Variants in ARHGAP24 observed in about 807,000 individuals in gnomAD.
ARHGAP24 encodes rho GTPase-activating protein 24.
ARHGAP24 carries 50 observed loss-of-function variants against 76.4 expected under a neutral mutation model. The ratio of observed to expected loss-of-function variants is 0.65; its 90% CI spans 0.52 to 0.83. ARHGAP24 has a LOEUF of 0.83. Among genes scored for constraint, ARHGAP24 ranks in the 40% least tolerant of loss-of-function variants. The pLI is 0.00. For missense variants in ARHGAP24, 930 were observed against 914.2 expected (o/e 1.02, Z -0.22); for synonymous variants, 345 against 323.3 (o/e 1.07, Z -0.72).
chr4:85,688,897 A>G (rs1343167413), intron 2 of ARHGAP24, among the ~76,000 whole-genome samples: 9 of 152,134 alleles, frequency 5.9e-5, no homozygotes, highest in Admixed American at 5.9e-4. Context: ...ATGCTGTTCC[A>G]TTGGTCTGTG....
chr4:85,810,599 C>A (rs759601795), intron 3 of ARHGAP24, among the ~76,000 whole-genome samples: 1 of 152,164 alleles, frequency 6.6e-6, no homozygotes, highest in Non-Finnish European at 1.5e-5. Flanking sequence ...TGGCATTATA[C>A]AGAAAATCTT....
intron 4 of ARHGAP24, among the ~76,000 whole-genome samples, chr4:85,937,669 GGAA>G (rs756891096): frequency 4.3e-4 from 66 of 152,216 alleles, no homozygotes; most frequent in Non-Finnish European, 7.8e-4. Flanking sequence ...GGACGTGTCA[GGAA>G]GAAGAAGGAG....
In ARHGAP24 at chr4:85,707,854, C is replaced by A. The variant is rs74846727; in HGVS notation, c.181-14031C>A. On this transcript the variant is annotated intron_variant, in intron 2 of 9. Transcript: ENST00000395184. ...TTGCACCCTGAGTTCTGAGTACTCA[C>A]AACGCAGCTGGTTTGGGTCATAAAT... 3.6e-3 allele frequency among the ~76,000 whole-genome samples: 542 copies of A among 152,246 alleles called. 5 individuals carry two copies. Among genetic ancestry groups the A allele is most frequent in the African/African-American group, 0.012 (516 of 41,546 alleles).
At chr4:85,794,287 A>G (rs747222792) in intron 3 of ARHGAP24, among the ~76,000 whole-genome samples, 2 of 152,216 alleles carry the variant, frequency 1.3e-5, no homozygotes, top group African/African-American at 2.4e-5. Flanking sequence ...TTGAAATACT[A>G]AAGTGGTAGA....
At chr4:85,634,667 G>A (rs757762967) in intron 2 of ARHGAP24, among the ~76,000 whole-genome samples, 1 of 151,750 alleles carries the variant, frequency 6.6e-6, no homozygotes, top group Non-Finnish European at 1.5e-5. Flanking sequence ...CTAAGGTACT[G>A]CCATCTTTGA....
intron 3 of ARHGAP24, among the ~76,000 whole-genome samples, chr4:85,745,291 T>C (rs1451779153): frequency 6.8e-6 from 1 of 146,352 alleles, no homozygotes; most frequent in Non-Finnish European, 1.5e-5. Flanking sequence ...ATATATACCG[T>C]AGTATATATA....
At chr4:85,987,678 T>C (rs1578471647) in intron 8 of ARHGAP24, among the ~76,000 whole-genome samples, 2 of 152,056 alleles carry the variant, frequency 1.3e-5, no homozygotes, top group South Asian at 4.2e-4. Flanking sequence ...AATATTACAC[T>C]CGATGAGATT....
intron 1 of ARHGAP24, among the ~76,000 whole-genome samples, chr4:85,539,842 G>A (rs550204893): frequency 6.6e-6 from 1 of 152,138 alleles, no homozygotes; most frequent in South Asian, 2.1e-4. Context: ...ATCACCTGAG[G>A]TCAGGAGTTT....
chr4:85,925,468 G>A (rs531405563), intron 4 of ARHGAP24, among the ~76,000 whole-genome samples: 4 of 152,052 alleles, frequency 2.6e-5, no homozygotes, highest in Non-Finnish European at 4.4e-5. Context: ...TTTCACTTAC[G>A]TGAAAAGGTA....
intron 2 of ARHGAP24, among the ~76,000 whole-genome samples, chr4:85,671,777 A>G (rs1294986024): frequency 1.3e-5 from 2 of 152,222 alleles, no homozygotes; most frequent in African/African-American, 2.4e-5. Context: ...AGGATTGCCT[A>G]TAAAAATGGA....
chr4:85,576,336 A>C (rs909473543), intron 2 of ARHGAP24, among the ~76,000 whole-genome samples: 1 of 152,130 alleles, frequency 6.6e-6, no homozygotes, highest in African/African-American at 2.4e-5. Flanking sequence ...AGGCTGAGGC[A>C]GGAAAATGGC....
At chr4:85,921,236 A>G (rs891429352) in intron 3 of ARHGAP24, among the ~76,000 whole-genome samples, 5 of 152,202 alleles carry the variant, frequency 3.3e-5, no homozygotes, top group Admixed American at 3.3e-4. Flanking sequence ...TTGCAGGGAC[A>G]TGAATGGAGC....
rs541368548 is a variant in ARHGAP24, at chr4:85,638,672, G to A, written c.180+67951G>A. On this transcript the variant is annotated intron_variant, in intron 2 of 9. Coordinates refer to ENST00000395184, the MANE Select transcript of ARHGAP24 (RefSeq NM_001025616.3). ...GGGCACCTTATCAGGCTGGATCAGT[G>A]AGAATGAAGAGTCTCCAGAAGCTTG... Among the ~76,000 whole-genome samples the A allele has an allele frequency of 9.9e-5, 15 of 152,196 alleles. No individual in the cohort carries two copies. The South Asian group carries it at 3.1e-3, about 32-fold the overall frequency.
chr4:85,933,698 T>C (rs1736475617), intron 4 of ARHGAP24, among the ~76,000 whole-genome samples: 1 of 152,208 alleles, frequency 6.6e-6, no homozygotes, highest in African/African-American at 2.4e-5. Flanking sequence ...CTCTATAATA[T>C]GACTATTAGC....
Position 85,933,435 on chromosome 4 carries a change from T to C in ARHGAP24, c.392-8631T>C, listed in dbSNP as rs185392051. Among the ~76,000 whole-genome samples the C allele has an allele frequency of 4.1e-4, 62 of 152,240 alleles. 1 individual carries two copies. The highest frequency in any genetic ancestry group is 8.3e-4 in the South Asian group (4 of 4,808). The stretch of plus-strand genomic sequence containing the variant: ...GCTTGCATGTTGTGCAAGCTGAAAC[T>C]CACCTCTCAGAGCACCTTTCTCTTC... On this transcript the variant is annotated intron_variant, in intron 4 of 9. Coordinates refer to ENST00000395184, the MANE Select transcript of ARHGAP24 (RefSeq NM_001025616.3).
At chr4:85,499,054 T>G (rs764449947) in intron 1 of ARHGAP24, among the ~76,000 whole-genome samples, 43 of 152,230 alleles carry the variant, frequency 2.8e-4, no homozygotes, top group Non-Finnish European at 5.6e-4. Context: ...TTCTTATTTA[T>G]AATCAGCTTG....
chr4:85,939,031 C>G (rs1444213323), intron 4 of ARHGAP24, among the ~76,000 whole-genome samples: 2 of 152,170 alleles, frequency 1.3e-5, no homozygotes, highest in Non-Finnish European at 2.9e-5. Flanking sequence ...CCGCCTCGAA[C>G]AAGCCTTAGC....
chr4:85,735,402 A>C (rs1725570196), intron 3 of ARHGAP24, among the ~76,000 whole-genome samples: 1 of 151,198 alleles, frequency 6.6e-6, no homozygotes, highest in African/African-American at 2.4e-5. Flanking sequence ...CACTCATTCC[A>C]CCAGATTTTT....
chr4:85,719,377 TG>T (rs1379431602), intron 2 of ARHGAP24, among the ~76,000 whole-genome samples: 3 of 152,056 alleles, frequency 2.0e-5, no homozygotes, highest in Admixed American at 6.6e-5. Flanking sequence ...TTGTAAGGCA[TG>T]GGGGGAGAGG....
Sources: allele counts gnomAD v4.1 joint callset (sites outside exome capture counted in the v4.1 genomes callset), GRCh38; gene constraint gnomAD v4.1.1; transcripts MANE v1.5; gene names NCBI Gene and HGNC (gene_info 2026-07-23, HGNC 2026-07-21).